Variants in SUGCT observed in about 807,000 individuals in gnomAD.
The protein encoded by SUGCT is succinyl-CoA:glutarate-CoA transferase.
SUGCT carries 41 observed loss-of-function variants against 55.0 expected under a neutral mutation model. The ratio of observed to expected loss-of-function variants is 0.74; its 90% confidence interval spans 0.58 to 0.97. The LOEUF (loss-of-function observed/expected upper bound fraction) is 0.97. Ranked by LOEUF, SUGCT falls within the 50% of genes least tolerant of loss-of-function variation. SUGCT has a pLI of 0.00. For missense variants in SUGCT, 568 were observed against 547.8 expected, an observed-to-expected ratio of 1.04 and a Z score of -0.37; for synonymous variants, 187 against 200.4, an observed-to-expected ratio of 0.93 and a Z score of 0.56.
At chr7:41,029,493 T>C in the SUGCT span, among the ~76,000 whole-genome samples, 1 of 152,160 alleles carries the variant, frequency 6.6e-6, no homozygotes, top group African/African-American at 2.4e-5. Context: ...TCCTACACCC[T>C]GTAAAGCCCC....
At chr7:40,900,553 C>T in the SUGCT span, among the ~76,000 whole-genome samples, 1 of 152,216 alleles carries the variant, frequency 6.6e-6, no homozygotes, top group East Asian at 1.9e-4. Context: ...CTGGCTGGCC[C>T]AAACAATAGT....
chr7:40,610,422 G>C (rs930561761), intron 12 of SUGCT, among the ~76,000 whole-genome samples: 1 of 152,090 alleles, frequency 6.6e-6, no homozygotes, highest in Non-Finnish European at 1.5e-5. Context: ...TTTAGCTTGG[G>C]TGTTATTTTT....
the SUGCT span, among the ~76,000 whole-genome samples, chr7:40,898,777 T>G: frequency 6.6e-6 from 1 of 151,994 alleles, no homozygotes; most frequent in Non-Finnish European, 1.5e-5. Flanking sequence ...CTACCAATTC[T>G]GGACACAAAA....
intron 12 of SUGCT, among the ~76,000 whole-genome samples, chr7:40,517,099 A>C (rs1320344978): frequency 2.0e-5 from 3 of 151,994 alleles, no homozygotes; most frequent in African/African-American, 7.2e-5. Flanking sequence ...ATTGTAAATG[A>C]AATTTATTTC....
At chr7:40,628,961 C>T (rs1282530860) in intron 12 of SUGCT, among the ~76,000 whole-genome samples, 1 of 152,084 alleles carries the variant, frequency 6.6e-6, no homozygotes, top group East Asian at 1.9e-4. Context: ...AGGCTGGTCT[C>T]AAACTCCTGA....
intron 9 of SUGCT, among the ~76,000 whole-genome samples, chr7:40,349,194 T>C (rs1310935852): frequency 1.3e-5 from 2 of 152,210 alleles, no homozygotes; most frequent in Non-Finnish European, 2.9e-5. Flanking sequence ...AAAGTGCTTC[T>C]CTTAAATCTT....
At chr7:40,428,061 T>C (rs1453673883) in intron 9 of SUGCT, among the ~76,000 whole-genome samples, 1 of 152,206 alleles carries the variant, frequency 6.6e-6, no homozygotes, top group Non-Finnish European at 1.5e-5. Flanking sequence ...CCATCAGTGC[T>C]TGTTTCATAT....
intron 12 of SUGCT, among the ~76,000 whole-genome samples, chr7:40,703,686 T>C (rs1785268447): frequency 6.6e-6 from 1 of 152,194 alleles, no homozygotes; most frequent in African/African-American, 2.4e-5. Flanking sequence ...ATACTTATAA[T>C]CCCAGATGGT....
At chr7:40,376,079 T>C (rs546736587) in intron 9 of SUGCT, among the ~76,000 whole-genome samples, 209 of 152,350 alleles carry the variant, frequency 1.4e-3, no homozygotes, top group African/African-American at 4.7e-3. Context: ...GAAAATTTCA[T>C]AATGCTAAAT....
rs183435820 is a variant in SUGCT at position 40,534,610 on chromosome 7, G to A, written c.1089+38224G>A. Among the ~76,000 whole-genome samples the A allele has an allele frequency of 2.6e-5, 4 of 152,222 alleles. No homozygotes were observed. The East Asian group carries it at 5.8e-4, about 22-fold the overall frequency. On this transcript the variant is annotated intron_variant, in intron 12 of 13. Transcript: ENST00000335693. Reference sequence around the variant, plus strand: ...ATTTTTGTATTTTTAGTAGAGACGGGGTTTCGGCATGTTGGCCAGACTGGT... The same window carrying A: ...ATTTTTGTATTTTTAGTAGAGACGGAGTTTCGGCATGTTGGCCAGACTGGT...
At position 40,374,585 on chromosome 7, in the gene SUGCT, G is replaced by A. The variant is rs376103536; in HGVS notation, c.816+57730G>A. ...GAACTAGGGTTGTCTCAAATTGAAC[G>A]GTTCATGGACTGAATTCATCCTGAA... On this transcript the variant is annotated intron_variant, in intron 9 of 13. Transcript: ENST00000335693. 4.6e-5 allele frequency among the ~76,000 whole-genome samples: 7 copies of A among 152,230 alleles called. No individual in the cohort carries two copies. The South Asian group carries it at 6.2e-4, about 14-fold the overall frequency.
chr7:40,492,067 A>G (rs778026650), intron 11 of SUGCT, among the ~76,000 whole-genome samples: 2 of 152,124 alleles, frequency 1.3e-5, no homozygotes, highest in Non-Finnish European at 2.9e-5. Flanking sequence ...TCCAGGTAGA[A>G]TAGTTAACAT....
chr7:40,181,915 A>T (rs1167824988), intron 2 of SUGCT, 40 bp from the exon 3 acceptor site: 1 of 1,227,212 alleles, frequency 8.1e-7, no homozygotes, highest in South Asian at 1.4e-5. Context: ...AAACATTTTC[A>T]AGATGGTAAT....
Position 40,329,048 on chromosome 7 carries a change from G to A in SUGCT, c.816+12193G>A, listed in dbSNP as rs73688027. Among the ~76,000 whole-genome samples, 231 of 152,214 alleles carry A rather than the reference G, an allele frequency of 1.5e-3. 1 individual carries two copies. Among genetic ancestry groups the A allele is most frequent in the African/African-American group, 5.4e-3 (223 of 41,530 alleles). ...ACAGGACTAGTTTATGGAAACAGTT[G>A]GATTCGCATGTAGTTACATGTCCTG... is the stretch of plus-strand genomic sequence containing the variant. On this transcript the variant is annotated intron_variant, in intron 9 of 13. Coordinates refer to ENST00000335693, the MANE Select transcript of SUGCT (RefSeq NM_001193313.2).
At chr7:40,287,907 A>G (rs1793461028) in intron 8 of SUGCT, among the ~76,000 whole-genome samples, 1 of 152,068 alleles carries the variant, frequency 6.6e-6, no homozygotes, top group African/African-American at 2.4e-5. Context: ...TTCTCTGACT[A>G]TTGACATGAT....
chr7:40,433,252 T>C (rs1211447408), intron 9 of SUGCT, among the ~76,000 whole-genome samples: 1 of 152,158 alleles, frequency 6.6e-6, no homozygotes. Flanking sequence ...TTGAATTATT[T>C]GTCAGGTAAT....
the SUGCT span, among the ~76,000 whole-genome samples, chr7:40,892,748 G>C: frequency 7.9e-5 from 12 of 152,138 alleles, no homozygotes; most frequent in South Asian, 1.9e-3. Flanking sequence ...GTGTTGCCCA[G>C]GTTGCTCTCA....
chr7:40,669,623 T>A, intron 12 of SUGCT, among the ~76,000 whole-genome samples: 1 of 146,870 alleles, frequency 6.8e-6, no homozygotes. Context: ...AAAAATACAA[T>A]AACCAAAAAA....
At chr7:40,573,796 G>A (rs1482540774) in intron 12 of SUGCT, among the ~76,000 whole-genome samples, 2 of 152,128 alleles carry the variant, frequency 1.3e-5, no homozygotes, top group Non-Finnish European at 2.9e-5. Context: ...GATCCCCCAG[G>A]TAGCATCTGG....
Sources: allele counts gnomAD v4.1 joint callset (sites outside exome capture counted in the v4.1 genomes callset), GRCh38; gene constraint gnomAD v4.1.1; transcripts MANE v1.5; gene names NCBI Gene and HGNC (gene_info 2026-07-23, HGNC 2026-07-21).